PPP4R1: variants seen among roughly 807,000 people sequenced by gnomAD.
PPP4R1 encodes the protein protein phosphatase 4 regulatory subunit 1.
In PPP4R1, 42 loss-of-function variants were observed where a neutral mutation model predicts 111.2. The ratio of observed to expected loss-of-function variants is 0.38; its 90% confidence interval spans 0.29 to 0.49. The LOEUF (loss-of-function observed/expected upper bound fraction) is 0.49. Among genes scored for constraint, PPP4R1 ranks in the 20% least tolerant of loss-of-function variants. PPP4R1 has a pLI of 0.97. For synonymous variants in PPP4R1, 409 were observed against 405.5 expected (o/e 1.01, Z -0.10); for missense variants, 1,012 against 1,161.6 (o/e 0.87, Z 1.87).
At chr18:9,556,136 T>C (rs1008275841) in intron 15 of PPP4R1, among the ~76,000 whole-genome samples, 3 of 147,286 alleles carry the variant, frequency 2.0e-5, no homozygotes, top group Non-Finnish European at 4.5e-5. Flanking sequence ...ACTCCAGCCT[T>C]GTGACAGAGC....
At position 9,563,724 on chromosome 18, in the gene PPP4R1, A is replaced by G. The variant is rs2066716318; in HGVS notation, c.1574-174T>C. On this transcript the variant is annotated intron_variant, in intron 11 of 19. Coordinates refer to ENST00000400556, the MANE Select transcript of PPP4R1 (RefSeq NM_001042388.3). ...GTAAATCATTAGTCCTTCAAGAGAA[A>G]AAGTAGAAAACTAATATGCTTTCAT... is the stretch of plus-strand genomic sequence containing the variant. 9.8e-6 allele frequency: 5 copies of G among 510,920 alleles called. No individual in the cohort carries two copies. In the South Asian group the frequency reaches 1.5e-4, roughly 16 times the overall value. The allele number at this position is 510,920 out of a possible 1,614,324, so 31.6% of individuals were successfully genotyped here. A position where few individuals can be genotyped will look rare whatever the true frequency, so the allele number is the denominator to read the frequency against.
chr18:9,577,955 C>T (rs1056177190), intron 9 of PPP4R1, among the ~76,000 whole-genome samples: 1 of 152,090 alleles, frequency 6.6e-6, no homozygotes, highest in Non-Finnish European at 1.5e-5. Flanking sequence ...GCAAGACAGA[C>T]GTACCAGAAA....
chr18:9,552,681 T>G (rs1276295894), intron 16 of PPP4R1, among the ~76,000 whole-genome samples: 1 of 152,098 alleles, frequency 6.6e-6, no homozygotes, highest in Admixed American at 6.6e-5. Flanking sequence ...TGAAAACAGA[T>G]TTCAAATATT....
chr18:9,559,395 T>C, intron 14 of PPP4R1, 24 bp downstream of exon 14: 2 of 1,582,042 alleles, frequency 1.3e-6, no homozygotes, highest in Non-Finnish European at 1.7e-6. Flanking sequence ...CACGTTCTGC[T>C]AATTCTTTAA....
At chr18:9,598,796 G>A (rs533884159) in intron 2 of PPP4R1, among the ~76,000 whole-genome samples, 85 of 152,160 alleles carry the variant, frequency 5.6e-4, no homozygotes, top group African/African-American at 1.5e-3. Context: ...AGGCCGAGGC[G>A]GATGGATCAC....
intron 16 of PPP4R1, chr18:9,550,813 G>C (rs1018334117): frequency 1.9e-5 from 3 of 159,870 alleles, no homozygotes; most frequent in Non-Finnish European, 4.1e-5. Context: ...ACCTGTCGAG[G>C]CTCTGAGGAG....
intron 2 of PPP4R1, among the ~76,000 whole-genome samples, chr18:9,608,536 T>C (rs1158708402): frequency 1.3e-5 from 2 of 152,180 alleles, no homozygotes; most frequent in Admixed American, 6.5e-5. Flanking sequence ...GGAAGCAGCA[T>C]TGATGATGTC....
chr18:9,554,213 C>T (rs1006044310), intron 15 of PPP4R1, among the ~76,000 whole-genome samples: 6 of 151,420 alleles, frequency 4.0e-5, no homozygotes, highest in South Asian at 4.2e-4. Context: ...CTGCAACCTC[C>T]ACCTCCCAGG....
chr18:9,568,892 G>A (rs1339960277), intron 11 of PPP4R1, among the ~76,000 whole-genome samples: 1 of 152,126 alleles, frequency 6.6e-6, no homozygotes, highest in Non-Finnish European at 1.5e-5. Flanking sequence ...AAAATTAGCT[G>A]GGCATGGTGG....
intron 2 of PPP4R1, among the ~76,000 whole-genome samples, chr18:9,611,282 C>T (rs2067574818): frequency 6.6e-6 from 1 of 152,100 alleles, no homozygotes; most frequent in Non-Finnish European, 1.5e-5. Flanking sequence ...AGGTTGGGCT[C>T]CATACTCTGG....
intron 15 of PPP4R1, 117 bp from the exon 16 acceptor site, chr18:9,553,539 A>G: frequency 3.0e-6 from 2 of 663,922 alleles, no homozygotes; most frequent in Non-Finnish European, 5.1e-6. Context: ...GAGGAAATGT[A>G]GTAGCTGTAT....
intron 4 of PPP4R1, 48 bp from the exon 5 acceptor site, chr18:9,588,901 A>G (rs1167546511): frequency 6.3e-7 from 1 of 1,595,028 alleles, no homozygotes; most frequent in Admixed American, 1.8e-5. Context: ...CTGCAGCAAC[A>G]AAACCTTTAT....
At chr18:9,609,638 G>C (rs2067544120) in intron 2 of PPP4R1, among the ~76,000 whole-genome samples, 1 of 152,178 alleles carries the variant, frequency 6.6e-6, no homozygotes, top group Non-Finnish European at 1.5e-5. Context: ...GTCATACTTA[G>C]TTACAGCTGA....
intron 11 of PPP4R1, among the ~76,000 whole-genome samples, chr18:9,566,043 T>C (rs2066759793): frequency 2.0e-5 from 3 of 152,006 alleles, no homozygotes; most frequent in Non-Finnish European, 2.9e-5. Flanking sequence ...CCCTAGCAGC[T>C]AGAATTACAG....
chr18:9,556,086 G>A (rs1295822006), intron 15 of PPP4R1, among the ~76,000 whole-genome samples: 1 of 151,298 alleles, frequency 6.6e-6, no homozygotes, highest in African/African-American at 2.4e-5. Context: ...GCTTGAACCT[G>A]GGAGGCGGAG....
At chr18:9,556,049 T>C (rs995796682) in intron 15 of PPP4R1, among the ~76,000 whole-genome samples, 1 of 151,006 alleles carries the variant, frequency 6.6e-6, no homozygotes, top group Non-Finnish European at 1.5e-5. Flanking sequence ...TAGTCCCAGC[T>C]ACTCAGGAGG....
intron 9 of PPP4R1, among the ~76,000 whole-genome samples, chr18:9,579,414 G>A (rs1175851419): frequency 6.6e-6 from 1 of 152,092 alleles, no homozygotes; most frequent in East Asian, 1.9e-4. Flanking sequence ...CTTTTGAGAA[G>A]GGACAATACA....
intron 2 of PPP4R1, among the ~76,000 whole-genome samples, chr18:9,607,904 TC>T (rs2067511139): frequency 6.7e-6 from 1 of 150,206 alleles, no homozygotes; most frequent in Non-Finnish European, 1.5e-5. Flanking sequence ...TGCCTCAGCC[TC>T]CCGAGTAGCT....
intron 16 of PPP4R1, chr18:9,550,929 A>G (rs954514202): frequency 2.6e-5 from 4 of 152,692 alleles, no homozygotes; most frequent in African/African-American, 9.6e-5. Context: ...CTACCAAGCT[A>G]ACCTGAAAGC....
Sources: allele counts gnomAD v4.1 joint callset (sites outside exome capture counted in the v4.1 genomes callset), GRCh38; gene constraint gnomAD v4.1.1; transcripts MANE v1.5; gene names NCBI Gene and HGNC (gene_info 2026-07-23, HGNC 2026-07-21).